The following ATF6 variants were observed in gnomAD, a reference collection of about 807,000 sequenced individuals.
ATF6 encodes activating transcription factor 6.
ATF6 carries 53 observed loss-of-function variants against 83.6 expected under a neutral mutation model. That is an observed-to-expected ratio of 0.63 (90% CI 0.51 to 0.80). The LOEUF (loss-of-function observed/expected upper bound fraction) is 0.80, where lower values mean the gene tolerates loss of function less well. Among genes scored for constraint, ATF6 ranks in the 30% least tolerant of loss-of-function variants. ATF6 has a pLI of 0.00. For synonymous variants in ATF6, 288 were observed against 285.8 expected (o/e 1.01, Z -0.08); for missense variants, 744 against 797.9 (o/e 0.93, Z 0.81).
chr1:161,809,047 A>G (rs1685377139), intron 7 of ATF6, among the ~76,000 whole-genome samples: 1 of 152,074 alleles, frequency 6.6e-6, no homozygotes, highest in Non-Finnish European at 1.5e-5. Context: ...GAGAAATTTT[A>G]TTTTATTTTT....
chr1:161,780,812 C>A (rs1472037093), intron 2 of ATF6, among the ~76,000 whole-genome samples: 1 of 152,084 alleles, frequency 6.6e-6, no homozygotes, highest in African/African-American at 2.4e-5. Context: ...TGGACTCAAG[C>A]GATCTTCCCA....
At chr1:161,834,414 GAC>G (rs1686157053) in intron 9 of ATF6, among the ~76,000 whole-genome samples, 1 of 151,938 alleles carries the variant, frequency 6.6e-6, no homozygotes, top group Non-Finnish European at 1.5e-5. Flanking sequence ...AAGAAAATGT[GAC>G]ACATATACAC....
Position 161,853,298 on chromosome 1 carries a change from A to G in ATF6, c.1508A>G (p.Asn503Ser), listed in dbSNP as rs1277627481. 1 of 1,613,590 alleles carries G rather than the reference A, an allele frequency of 6.2e-7. No individual in the cohort carries two copies. The highest frequency in any genetic ancestry group is 1.7e-5 in the Admixed American group (1 of 60,018). ...ACCAAGTCAAGAAGAATGACAAATA[A>G]TCAACAGAAAACCCGTATTCTTCAG... Reference protein sequence around the residue: ...ERTKSRRMTNNQQKTRILQGA... With the variant: ...ERTKSRRMTNSQQKTRILQGA... Residue 503 changes from asparagine (N) to serine (S), a missense_variant, in exon 12 of 16, where the codon AAT becomes AGT. Asn to Ser is a conservative substitution (Grantham distance 46). Coordinates refer to ENST00000367942, the MANE Select transcript of ATF6 (RefSeq NM_007348.4).
intron 9 of ATF6, among the ~76,000 whole-genome samples, chr1:161,838,998 T>G (rs553202618): frequency 1.6e-4 from 25 of 152,306 alleles, no homozygotes; most frequent in South Asian, 4.1e-4. Flanking sequence ...CCCCATTTTT[T>G]CCTCCTTTTA....
intron 15 of ATF6, among the ~76,000 whole-genome samples, chr1:161,923,222 T>C (rs10800106): frequency 0.63 from 95,858 of 151,414 alleles, 32,007 homozygotes; most frequent in Non-Finnish European, 0.75. Flanking sequence ...GGTGGTGGTG[T>C]TTTTTTTTTA....
intron 9 of ATF6, among the ~76,000 whole-genome samples, chr1:161,823,554 G>A (rs1685813889): frequency 6.6e-6 from 1 of 152,018 alleles, no homozygotes; most frequent in African/African-American, 2.4e-5. Flanking sequence ...AATTCTTAAT[G>A]TTGGGTTTTA....
intron 9 of ATF6, among the ~76,000 whole-genome samples, chr1:161,824,849 A>G (rs1360031896): frequency 6.6e-6 from 1 of 152,232 alleles, no homozygotes; most frequent in Admixed American, 6.5e-5. Context: ...TGCAAATATG[A>G]ATAAAAGTAC....
intron 15 of ATF6, among the ~76,000 whole-genome samples, chr1:161,956,282 A>G (rs1308843173): frequency 2.0e-5 from 3 of 152,158 alleles, no homozygotes; most frequent in African/African-American, 7.2e-5. Flanking sequence ...TCCACAGTGC[A>G]TGCGCATACA....
chr1:161,877,276 T>G (rs984665851), intron 14 of ATF6, among the ~76,000 whole-genome samples: 4 of 152,132 alleles, frequency 2.6e-5, no homozygotes, highest in African/African-American at 9.7e-5. Context: ...AACTTATAGT[T>G]TAGTTGGTGC....
At chr1:161,945,852 C>CA (rs1688736457) in intron 15 of ATF6, among the ~76,000 whole-genome samples, 1 of 152,216 alleles carries the variant, frequency 6.6e-6, no homozygotes, top group Non-Finnish European at 1.5e-5. Flanking sequence ...TTAGACATCT[C>CA]ATCTGAACAG....
At chr1:161,933,438 A>G (rs1167552524) in intron 15 of ATF6, among the ~76,000 whole-genome samples, 2 of 152,242 alleles carry the variant, frequency 1.3e-5, no homozygotes, top group Non-Finnish European at 2.9e-5. Context: ...CACAATTAGA[A>G]TAGAAAATTT....
At position 161,819,892 on chromosome 1, in the gene ATF6, C is replaced by T. The variant is rs1685709805; in HGVS notation, c.1095+74C>T. On this transcript the variant is annotated intron_variant, in intron 8 of 15. Transcript: ENST00000367942. ...GGATTAATAAATAGAGAAACTTTTA[C>T]ATTTTAAATTAAATTATGTAAAATA... 6.3e-6 allele frequency: 8 copies of T among 1,279,272 alleles called. No homozygotes were observed. The Admixed American group carries it at 1.9e-4, about 30-fold the overall frequency. The allele number at this position is 1,279,272 out of a possible 1,614,324, so 79.2% of individuals were successfully genotyped here. A position where few individuals can be genotyped will look rare whatever the true frequency, so the allele number is the denominator to read the frequency against.
chr1:161,865,188 C>A (rs1002390743), intron 14 of ATF6, among the ~76,000 whole-genome samples: 9 of 149,586 alleles, frequency 6.0e-5, no homozygotes, highest in African/African-American at 1.7e-4. Context: ...GAGATGGATT[C>A]TCTCTCTGTT....
chr1:161,846,853 A>T (rs1571185055), intron 10 of ATF6, among the ~76,000 whole-genome samples: 1 of 151,938 alleles, frequency 6.6e-6, no homozygotes, highest in East Asian at 1.9e-4. Flanking sequence ...TATACATATT[A>T]TATATAATGT....
chr1:161,833,436 T>C (rs1686124755), intron 9 of ATF6, among the ~76,000 whole-genome samples: 1 of 152,028 alleles, frequency 6.6e-6, no homozygotes, highest in South Asian at 2.1e-4. Flanking sequence ...AGAAGAAGGC[T>C]TCAGAAGATC....
chr1:161,920,739 C>T (rs1688197187), intron 15 of ATF6, among the ~76,000 whole-genome samples: 1 of 152,058 alleles, frequency 6.6e-6, no homozygotes, highest in South Asian at 2.1e-4. Flanking sequence ...CCCAGATGAT[C>T]ACAAAGTGAC....
intron 14 of ATF6, among the ~76,000 whole-genome samples, chr1:161,885,015 C>T (rs1389077340): frequency 6.6e-6 from 1 of 152,074 alleles, no homozygotes; most frequent in Non-Finnish European, 1.5e-5. Context: ...GGAATAAAAT[C>T]TTTGGTTAAC....
Position 161,963,383 on chromosome 1 carries a change from A to G in ATF6, c.*4729A>G, listed in dbSNP as rs1374057773. The G allele has an allele frequency of 1.3e-5, 2 of 152,260 alleles. No individual in the cohort carries two copies. The highest frequency in any genetic ancestry group is 4.8e-5 in the African/African-American group (2 of 41,466). The allele number at this position is 152,260 out of a possible 1,614,324, so 9.4% of individuals were successfully genotyped here. The stretch of plus-strand genomic sequence containing the variant: ...CCATGTCATGGCCAGCCACTGTCAC[A>G]TAGTGGGTGCCATTCTCAACATATT... On this transcript the variant is annotated 3_prime_UTR_variant, in exon 16 of 16. Coordinates refer to ENST00000367942, the MANE Select transcript of ATF6 (RefSeq NM_007348.4).
chr1:161,899,309 T>A (rs1447346827), intron 14 of ATF6, among the ~76,000 whole-genome samples: 6 of 152,242 alleles, frequency 3.9e-5, no homozygotes, highest in African/African-American at 1.4e-4. Context: ...TTGTACTGAA[T>A]CTTTACACTC....
Sources: gnomAD v4.1 joint callset for allele counts (sites outside exome capture counted in the v4.1 genomes callset) on GRCh38, gnomAD v4.1.1 for gene constraint, MANE v1.5 for transcripts, NCBI Gene and HGNC (gene_info 2026-07-23, HGNC 2026-07-21) for gene names.